ADAMTS18: variants seen among roughly 807,000 people sequenced by gnomAD.
The protein encoded by ADAMTS18 is ADAM metallopeptidase with thrombospondin type 1 motif 18, also known as A disintegrin and metalloproteinase with thrombospondin motifs 18.
A neutral mutation model predicts 165.9 loss-of-function variants in ADAMTS18; 157 were observed. The ratio of observed to expected loss-of-function variants is 0.95; its 90% CI spans 0.83 to 1.08. ADAMTS18 has a LOEUF of 1.08. Among genes scored for constraint, ADAMTS18 ranks in the 50% least tolerant of loss-of-function variants. The probability of loss-of-function intolerance (pLI) is 0.00; values close to 1 mark genes in which losing one functional copy is unlikely to be tolerated. For missense variants in ADAMTS18, 2,040 were observed against 1,534.0 expected, an observed-to-expected ratio of 1.33 and a Z score of -5.51; for synonymous variants, 782 against 578.2, an observed-to-expected ratio of 1.35 and a Z score of -5.06.
chr16:77,351,811 T>G (rs1008486555), intron 10 of ADAMTS18, among the ~76,000 whole-genome samples: 2 of 152,126 alleles, frequency 1.3e-5, no homozygotes, highest in African/African-American at 2.4e-5. Flanking sequence ...CATCCTTCAC[T>G]TCAGCCTCAA....
At chr16:77,375,410 G>C (rs1195869967) in intron 3 of ADAMTS18, among the ~76,000 whole-genome samples, 3 of 152,120 alleles carry the variant, frequency 2.0e-5, no homozygotes, top group African/African-American at 4.8e-5. Context: ...GGAAGAAAAA[G>C]AGCAAAGTTC....
chr16:77,325,745 G>C lies in ADAMTS18; in HGVS notation c.2032+121C>G, dbSNP rs1284082391. 5.9e-6 allele frequency: 6 copies of C among 1,024,030 alleles called. No individual in the cohort carries two copies. The Admixed American group carries it at 1.2e-4, about 20-fold the overall frequency. The allele number at this position is 1,024,030 out of a possible 1,614,324, so 63.4% of individuals were successfully genotyped here. ...GGAATGAAACACTGAGCCAGGATGG[G>C]TCTGGGGAGTGAAAGGTAAACATTC... is the stretch of plus-strand genomic sequence containing the variant. On this transcript the variant is annotated intron_variant, in intron 13 of 22. Transcript: ENST00000282849.
intron 3 of ADAMTS18, among the ~76,000 whole-genome samples, chr16:77,425,082 T>A (rs1190503060): frequency 6.6e-6 from 1 of 152,110 alleles, no homozygotes; most frequent in Non-Finnish European, 1.5e-5. Flanking sequence ...GATCAAAGCG[T>A]CCCTACCGCC....
chr16:77,382,313 C>T (rs1050008644), intron 3 of ADAMTS18, among the ~76,000 whole-genome samples: 1 of 152,146 alleles, frequency 6.6e-6, no homozygotes, highest in African/African-American at 2.4e-5. Flanking sequence ...CTGGTTCATG[C>T]CATTCTCCTG....
Position 77,405,068 on chromosome 16 carries a change from A to G in ADAMTS18, c.495+26227T>C, listed in dbSNP as rs116132348. Among the ~76,000 whole-genome samples, 618 of 152,300 alleles carry G rather than the reference A, an allele frequency of 4.1e-3. 7 individuals carry two copies. Among genetic ancestry groups the G allele is most frequent in the African/African-American group, 0.014 (598 of 41,574 alleles). ...AAAAATTCAGAGTGATTTTGGGCAGATCAGCTCTGACTAAAGGTGACATTA... is the reference window on the plus strand; with the variant it reads ...AAAAATTCAGAGTGATTTTGGGCAGGTCAGCTCTGACTAAAGGTGACATTA... On this transcript the variant is annotated intron_variant, in intron 3 of 22. Coordinates refer to ENST00000282849, the MANE Select transcript of ADAMTS18 (RefSeq NM_199355.4).
chr16:77,408,745 A>G (rs544640668), intron 3 of ADAMTS18, among the ~76,000 whole-genome samples: 5 of 152,292 alleles, frequency 3.3e-5, no homozygotes, highest in Admixed American at 1.3e-4. Context: ...GGCTTTTGCA[A>G]TGATGGTGAC....
chr16:77,314,789 AT>A (rs2055857658), intron 16 of ADAMTS18, among the ~76,000 whole-genome samples: 2 of 32,560 alleles, frequency 6.1e-5, no homozygotes, highest in South Asian at 1.6e-3. Flanking sequence ...TATATATAAA[AT>A]ATATGTGATA....
At chr16:77,317,328 C>T (rs781456871) in intron 16 of ADAMTS18, among the ~76,000 whole-genome samples, 46 of 152,230 alleles carry the variant, frequency 3.0e-4, no homozygotes, top group Middle Eastern at 3.4e-3. Flanking sequence ...CACAGAGGAA[C>T]GCAGTGATTT....
rs186497160 is a variant in ADAMTS18, at chr16:77,362,088, A to T, written c.1216+17T>A. On this transcript the variant is annotated intron_variant, in intron 7 of 22. Transcript: ENST00000282849. Reference sequence around the variant, plus strand: ...TTCAGCTAACAGGTGTGTGTGAAGGATCTGTTCATACCATACCTAGAGTGT... The same window carrying T: ...TTCAGCTAACAGGTGTGTGTGAAGGTTCTGTTCATACCATACCTAGAGTGT... The T allele has an allele frequency of 6.2e-7, 1 of 1,613,738 alleles. No homozygotes were observed. The highest frequency in any genetic ancestry group is 1.3e-5 in the African/African-American group (1 of 74,936).
At chr16:77,423,906 A>G (rs1220718761) in intron 3 of ADAMTS18, among the ~76,000 whole-genome samples, 1 of 152,170 alleles carries the variant, frequency 6.6e-6, no homozygotes, top group Non-Finnish European at 1.5e-5. Context: ...TGGTAAAGAG[A>G]GAGAGAGAAT....
chr16:77,303,746 T>TGTCCG (rs1156785541), intron 16 of ADAMTS18, among the ~76,000 whole-genome samples: 11 of 152,244 alleles, frequency 7.2e-5, no homozygotes, highest in African/African-American at 2.6e-4. Context: ...AAAAATCAAG[T>TGTCCG]GCTAGGGCCG....
intron 22 of ADAMTS18, among the ~76,000 whole-genome samples, chr16:77,287,342 A>G (rs1172634385): frequency 6.6e-6 from 1 of 152,188 alleles, no homozygotes; most frequent in Non-Finnish European, 1.5e-5. Flanking sequence ...GCATGTAATC[A>G]TCCCTATACT....
chr16:77,354,739 G>C (rs933037263), intron 9 of ADAMTS18, among the ~76,000 whole-genome samples: 13 of 152,216 alleles, frequency 8.5e-5, no homozygotes, highest in Middle Eastern at 3.4e-3. Flanking sequence ...GCTTCATAAA[G>C]CATAATAAGC....
chr16:77,355,530 G>C (rs1014978568), intron 9 of ADAMTS18, among the ~76,000 whole-genome samples: 6 of 152,070 alleles, frequency 3.9e-5, no homozygotes, highest in African/African-American at 1.4e-4. Context: ...ACAGTAAAAA[G>C]ACAATATACC....
intron 11 of ADAMTS18, among the ~76,000 whole-genome samples, chr16:77,338,729 G>A (rs1304639765): frequency 6.6e-6 from 1 of 151,928 alleles, no homozygotes; most frequent in Non-Finnish European, 1.5e-5. Flanking sequence ...CAAGGCGGAT[G>A]GATCACATGG....
intron 6 of ADAMTS18, 51 bp downstream of exon 6, chr16:77,363,751 G>A (rs772480030): frequency 3.9e-6 from 6 of 1,545,574 alleles, no homozygotes; most frequent in African/African-American, 1.4e-5. Flanking sequence ...TTCAAGAAAT[G>A]TATTCTGAAC....
chr16:77,409,687 AC>A (rs1192591363), intron 3 of ADAMTS18, among the ~76,000 whole-genome samples: 2 of 152,258 alleles, frequency 1.3e-5, no homozygotes, highest in Admixed American at 1.3e-4. Flanking sequence ...GCTTCATCAA[AC>A]AAGCCTTGTC....
intron 8 of ADAMTS18, among the ~76,000 whole-genome samples, chr16:77,357,696 AAATTT>A (rs1161859205): frequency 2.0e-5 from 3 of 152,210 alleles, no homozygotes; most frequent in South Asian, 4.1e-4. Context: ...TAACAATCTT[AAATTT>A]AATTTAATAG....
Position 77,286,862 on chromosome 16 carries a change from G to T in ADAMTS18, c.3550+2402C>A, listed in dbSNP as rs568410136. On this transcript the variant is annotated intron_variant, in intron 22 of 22. Coordinates refer to ENST00000282849, the MANE Select transcript of ADAMTS18 (RefSeq NM_199355.4). ...TGCTTTAGGGCCTTCTCTCTTTTCT[G>T]AAGAGAATTTTATGTATAATATGTA... Among the ~76,000 whole-genome samples the T allele has an allele frequency of 3.9e-5, 6 of 152,278 alleles. No homozygotes were observed. The South Asian group carries it at 1.2e-3, about 32-fold the overall frequency.
Sources: gnomAD v4.1 joint callset for allele counts (sites outside exome capture counted in the v4.1 genomes callset) on GRCh38, gnomAD v4.1.1 for gene constraint, MANE v1.5 for transcripts, NCBI Gene and HGNC (gene_info 2026-07-23, HGNC 2026-07-21) for gene names.